Variants in IGF1 observed in about 807,000 individuals in gnomAD.
IGF1 encodes insulin-like growth factor 1.
A neutral mutation model predicts 13.8 loss-of-function variants in IGF1; 4 were observed. The ratio of observed to expected loss-of-function variants is 0.29; its 90% CI spans 0.14 to 0.66. The LOEUF (loss-of-function observed/expected upper bound fraction) is 0.66, where lower values mean the gene tolerates loss of function less well. Ranked by LOEUF, IGF1 falls within the 30% of genes least tolerant of loss-of-function variation. The pLI is 0.78. For missense variants in IGF1, 124 were observed against 188.5 expected (o/e 0.66, Z 2.00); for synonymous variants, 76 against 72.6 (o/e 1.05, Z -0.23).
intron 2 of IGF1, among the ~76,000 whole-genome samples, chr12:102,447,643 C>T (rs1878475672): frequency 6.6e-6 from 1 of 152,158 alleles, no homozygotes; most frequent in South Asian, 2.1e-4. Flanking sequence ...GTCCTGAATA[C>T]AGAGCACCAA....
intron 2 of IGF1, among the ~76,000 whole-genome samples, chr12:102,429,282 C>A (rs1247196910): frequency 6.6e-6 from 1 of 152,000 alleles, no homozygotes; most frequent in East Asian, 1.9e-4. Flanking sequence ...CCCTTTTATT[C>A]TTAATATATT....
At position 102,480,501 on chromosome 12, in the gene IGF1, T is replaced by C. The variant is rs554800563; in HGVS notation, c.-120A>G. 6.4e-7 allele frequency: 1 copy of C among 1,556,218 alleles called. No homozygotes were observed. The highest frequency in any genetic ancestry group is 2.3e-5 in the East Asian group (1 of 43,022). On this transcript the variant is annotated 5_prime_UTR_variant, in exon 1 of 4. Coordinates refer to ENST00000337514, the MANE Select transcript of IGF1 (RefSeq NM_000618.5). ...CACATTTCAATTTTGAGGACTTTAT[T>C]CCATTGCGCAGGCTCTATCTGCTCT...
At chr12:102,451,569 C>T (rs527347964) in intron 2 of IGF1, among the ~76,000 whole-genome samples, 21 of 152,122 alleles carry the variant, frequency 1.4e-4, no homozygotes, top group African/African-American at 2.7e-4. Context: ...GATGGGAGAT[C>T]GATGAGAAAG....
At chr12:102,439,412 T>G (rs1359386984) in intron 2 of IGF1, among the ~76,000 whole-genome samples, 1 of 152,184 alleles carries the variant, frequency 6.6e-6, no homozygotes. Flanking sequence ...AAGGAGACCT[T>G]TAACAATTTA....
chr12:102,418,627 C>G (rs985107781), intron 3 of IGF1, among the ~76,000 whole-genome samples: 13 of 152,248 alleles, frequency 8.5e-5, no homozygotes, highest in Non-Finnish European at 1.6e-4. Context: ...ACTTCCTTGC[C>G]TTCTCTTTTT....
intron 3 of IGF1, chr12:102,417,636 C>T: frequency 1.5e-6 from 2 of 1,319,966 alleles, no homozygotes; most frequent in Non-Finnish European, 1.9e-6. Context: ...TTTTTCTTTT[C>T]CGTTTTCTCC....
intron 2 of IGF1, among the ~76,000 whole-genome samples, chr12:102,436,477 T>A (rs529795879): frequency 1.3e-5 from 2 of 152,296 alleles, no homozygotes; most frequent in Admixed American, 1.3e-4. Context: ...AACCCAAACC[T>A]ATCCTTCCTA....
At chr12:102,428,521 A>G (rs1221415880) in intron 2 of IGF1, among the ~76,000 whole-genome samples, 1 of 151,970 alleles carries the variant, frequency 6.6e-6, no homozygotes, top group African/African-American at 2.4e-5. Context: ...TTAGAGAGTC[A>G]TTTGAAGCAG....
At chr12:102,432,026 A>G (rs1462487803) in intron 2 of IGF1, among the ~76,000 whole-genome samples, 1 of 152,218 alleles carries the variant, frequency 6.6e-6, no homozygotes, top group Non-Finnish European at 1.5e-5. Context: ...ACTGAAATAG[A>G]GAAGTTTTTA....
At chr12:102,434,392 A>G (rs1021185508) in intron 2 of IGF1, among the ~76,000 whole-genome samples, 9 of 150,016 alleles carry the variant, frequency 6.0e-5, no homozygotes, top group Non-Finnish European at 1.3e-4. Flanking sequence ...GAATGAGAAC[A>G]TGCGGTGTTT....
chr12:102,395,935 C>T lies in IGF1; in HGVS notation c.*6572G>A, dbSNP rs180973259. On this transcript the variant is annotated 3_prime_UTR_variant, in exon 4 of 4. Transcript: ENST00000337514. ...AGAAAGATATACCATTTTATTATGA[C>T]ACTCTAGCCATACATTTTCAAAATA... The T allele has an allele frequency of 2.0e-5, 3 of 152,208 alleles. No homozygotes were observed. 9.4% of individuals were successfully genotyped at this position (152,208 alleles called of 1,614,324 possible). A position where few individuals can be genotyped will look rare whatever the true frequency, so the allele number is the denominator to read the frequency against.
intron 2 of IGF1, among the ~76,000 whole-genome samples, chr12:102,449,209 T>C (rs780532524): frequency 3.9e-5 from 6 of 152,164 alleles, no homozygotes; most frequent in Non-Finnish European, 8.8e-5. Context: ...CATAGAATAC[T>C]ATGCAGCCAT....
chr12:102,459,832 T>A (rs1879754380), intron 2 of IGF1, among the ~76,000 whole-genome samples: 1 of 152,210 alleles, frequency 6.6e-6, no homozygotes, highest in South Asian at 2.1e-4. Flanking sequence ...TCTATAAAGA[T>A]GAGGTTTGTG....
Position 102,402,223 on chromosome 12 carries a change from C to G in IGF1, c.*284G>C, listed in dbSNP as rs1271870404. 1.0e-5 allele frequency: 2 copies of G among 198,930 alleles called. No individual in the cohort carries two copies. Among genetic ancestry groups the G allele is most frequent in the Non-Finnish European group, 2.0e-5 (2 of 99,970 alleles). The allele number at this position is 198,930 out of a possible 1,614,324, so 12.3% of individuals were successfully genotyped here. ...ATTTGTGGCTCTTGAGAGGCAGGGA[C>G]TAAGATATATATATATATATATTTT... On this transcript the variant is annotated 3_prime_UTR_variant, in exon 4 of 4. Coordinates refer to ENST00000337514, the MANE Select transcript of IGF1 (RefSeq NM_000618.5).
intron 3 of IGF1, chr12:102,417,691 C>T (rs1875268961): frequency 6.7e-7 from 1 of 1,498,536 alleles, no homozygotes; most frequent in Non-Finnish European, 8.8e-7. Context: ...CTATTTCCAT[C>T]ACATCATCAT....
Position 102,480,355 on chromosome 12 carries a change from G to A in IGF1, c.27C>T (p.Thr9=), listed in dbSNP as rs1881327854. The change falls in exon 1 of 4, where the codon ACC becomes ACT. Residue 9 remains threonine (T), a synonymous_variant. Coordinates refer to ENST00000337514, the MANE Select transcript of IGF1 (RefSeq NM_000618.5). ...CACAAAAGCAGCACTTAAATAATTG[G>A]GTTGGAAGACTGCTGATTTTTCCCA... is the stretch of plus-strand genomic sequence containing the variant. The part of the protein sequence containing the change: MGKISSLP[T]QLFKCCFCDF... The A allele has an allele frequency of 6.2e-7, 1 of 1,613,536 alleles. No homozygotes were observed. The highest frequency in any genetic ancestry group is 8.5e-7 in the Non-Finnish European group (1 of 1,179,656).
intron 2 of IGF1, among the ~76,000 whole-genome samples, chr12:102,474,048 G>T (rs924149257): frequency 1.3e-5 from 2 of 151,476 alleles, no homozygotes; most frequent in African/African-American, 4.8e-5. Context: ...GGATTATCAA[G>T]GAAAAAAAAA....
At chr12:102,465,284 C>A (rs1330816804) in intron 2 of IGF1, among the ~76,000 whole-genome samples, 1 of 152,212 alleles carries the variant, frequency 6.6e-6, no homozygotes, top group African/African-American at 2.4e-5. Context: ...CAATTCAGTT[C>A]ATCAGTTGTG....
chr12:102,449,935 C>T (rs767029453), intron 2 of IGF1, among the ~76,000 whole-genome samples: 6 of 152,056 alleles, frequency 3.9e-5, no homozygotes, highest in Non-Finnish European at 7.4e-5. Context: ...ACCGGGCTCA[C>T]GGATTCTCCT....
Sources: gnomAD v4.1 joint callset for allele counts (sites outside exome capture counted in the v4.1 genomes callset) on GRCh38, gnomAD v4.1.1 for gene constraint, MANE v1.5 for transcripts, NCBI Gene and HGNC (gene_info 2026-07-23, HGNC 2026-07-21) for gene names.